Variants in B4GALNT3 observed in about 807,000 individuals in gnomAD.
B4GALNT3 encodes the protein beta-1,4-N-acetyl-galactosaminyltransferase 3.
Under a neutral mutation model 120.2 loss-of-function variants are expected in B4GALNT3, and 86 were observed. The observed-to-expected ratio is 0.72, with a 90% CI of 0.60 to 0.86. The LOEUF (loss-of-function observed/expected upper bound fraction) is 0.86, where lower values mean the gene tolerates loss of function less well. B4GALNT3 is among the 40% of genes least tolerant of loss of function. The probability of loss-of-function intolerance (pLI) is 0.00; values close to 1 mark genes in which losing one functional copy is unlikely to be tolerated. For missense variants in B4GALNT3, 1,167 were observed against 1,298.9 expected, an observed-to-expected ratio of 0.90 and a Z score of 1.56; for synonymous variants, 518 against 510.4, an observed-to-expected ratio of 1.01 and a Z score of -0.20.
chr12:557,589 G>T lies in B4GALNT3; in HGVS notation c.2381-19G>T, dbSNP rs761652775. 5 of 1,600,018 alleles carry T rather than the reference G, an allele frequency of 3.1e-6. No individual in the cohort carries two copies. The highest frequency in any genetic ancestry group is 4.3e-6 in the Non-Finnish European group (5 of 1,174,732). The stretch of plus-strand genomic sequence containing the variant: ...TGCCTTGTCTGTGTTTCCTTCTCCT[G>T]CCTGACCCCCTGGGGTAGTGAAGAA... On this transcript the variant is annotated intron_variant, in intron 15 of 19. Transcript: ENST00000266383.
intron 1 of B4GALNT3, among the ~76,000 whole-genome samples, chr12:487,191 G>A (rs572531862): frequency 6.6e-6 from 1 of 152,110 alleles, no homozygotes; most frequent in South Asian, 2.1e-4. Context: ...AAGAACTGTG[G>A]GACAATTACA....
chr12:521,840 C>T (rs1946712948), intron 1 of B4GALNT3, among the ~76,000 whole-genome samples: 1 of 152,194 alleles, frequency 6.6e-6, no homozygotes, highest in African/African-American at 2.4e-5. Flanking sequence ...CTGGAGCTTC[C>T]ATGGGAGCAG....
chr12:482,738 A>G (rs1472677927), intron 1 of B4GALNT3, among the ~76,000 whole-genome samples: 2 of 152,142 alleles, frequency 1.3e-5, no homozygotes, highest in Non-Finnish European at 2.9e-5. Flanking sequence ...GCACACACCT[A>G]TAGTTCCGGC....
chr12:510,316 A>G (rs888393933), intron 1 of B4GALNT3, among the ~76,000 whole-genome samples: 1 of 152,116 alleles, frequency 6.6e-6, no homozygotes, highest in African/African-American at 2.4e-5. Context: ...CTTTGTAAGC[A>G]GTGGAATAAG....
intron 3 of B4GALNT3, among the ~76,000 whole-genome samples, chr12:540,091 C>T (rs985263731): frequency 6.6e-6 from 1 of 152,150 alleles, no homozygotes; most frequent in Non-Finnish European, 1.5e-5. Context: ...GCGAGTTTGA[C>T]TCTGGTTGAG....
chr12:549,318 A>G (rs1170600005), intron 9 of B4GALNT3, among the ~76,000 whole-genome samples: 2 of 152,198 alleles, frequency 1.3e-5, no homozygotes, highest in Non-Finnish European at 2.9e-5. Context: ...TAGATTCTCT[A>G]TGCCAAAGTT....
chr12:479,905 A>G (rs1946219059), intron 1 of B4GALNT3, among the ~76,000 whole-genome samples: 1 of 111,968 alleles, frequency 8.9e-6, no homozygotes, highest in Non-Finnish European at 1.8e-5. Flanking sequence ...ACCAACCAGG[A>G]TGGGGAGTTC....
chr12:514,323 A>G lies in B4GALNT3; in HGVS notation c.170-20843A>G, dbSNP rs372141245. ...CGCCATTCTCCTGCCTCAGCCTCCC[A>G]AGTAGCTGGGACTACAGGTGCCCGC... On this transcript the variant is annotated intron_variant, in intron 1 of 19. Transcript: ENST00000266383. Among the ~76,000 whole-genome samples the G allele has an allele frequency of 5.1e-3, 763 of 150,360 alleles. 9 individuals are homozygous for G. Among genetic ancestry groups the G allele is most frequent in the African/African-American group, 0.017 (709 of 40,972 alleles).
chr12:514,254 G>C (rs915955458), intron 1 of B4GALNT3, among the ~76,000 whole-genome samples: 1 of 146,406 alleles, frequency 6.8e-6, no homozygotes, highest in Non-Finnish European at 1.5e-5. Flanking sequence ...CTGGAGTGCA[G>C]TGGCGCGATC....
intron 3 of B4GALNT3, among the ~76,000 whole-genome samples, chr12:538,511 A>G (rs556668406): frequency 7.0e-6 from 1 of 142,598 alleles, no homozygotes; most frequent in Non-Finnish European, 1.5e-5. Context: ...GTGAGCCGAG[A>G]TTGTGCCACT....
chr12:474,127 C>T (rs189522643), intron 1 of B4GALNT3, among the ~76,000 whole-genome samples: 41 of 152,312 alleles, frequency 2.7e-4, no homozygotes, highest in Admixed American at 1.3e-3. Flanking sequence ...CTGAAAACAA[C>T]GTCCTCCTTC....
In B4GALNT3 at chr12:554,604, C is replaced by T. The variant is rs188271977; in HGVS notation, c.2060+621C>T. Among the ~76,000 whole-genome samples, 23 of 19,354 alleles carry T rather than the reference C, an allele frequency of 1.2e-3. No homozygotes were observed. In the East Asian group the frequency reaches 0.11, roughly 94 times the overall value. 12.7% of individuals were successfully genotyped at this position (19,354 alleles called of 152,430 possible). On this transcript the variant is annotated intron_variant, in intron 14 of 19. Coordinates refer to ENST00000266383, the MANE Select transcript of B4GALNT3 (RefSeq NM_173593.4). ...AGGAGATCGAGACCATCCTGGCTAA[C>T]ACGGTGAAACCCCGTCTCTACTAAA...
intron 3 of B4GALNT3, among the ~76,000 whole-genome samples, chr12:540,796 T>G (rs1053042399): frequency 6.6e-6 from 1 of 152,072 alleles, no homozygotes; most frequent in Admixed American, 6.5e-5. Context: ...CAGGATGGAG[T>G]GCAGTGGTCG....
At chr12:516,021 C>A (rs1419772381) in intron 1 of B4GALNT3, among the ~76,000 whole-genome samples, 1 of 152,056 alleles carries the variant, frequency 6.6e-6, no homozygotes, top group Non-Finnish European at 1.5e-5. Context: ...TGGCGGGTGC[C>A]TGTAGTCCCA....
intron 5 of B4GALNT3, 97 bp from the exon 6 acceptor site, chr12:545,272 C>T (rs1946978924): frequency 4.0e-6 from 6 of 1,506,362 alleles, no homozygotes; most frequent in South Asian, 1.3e-5. Context: ...GCATCAAGCA[C>T]TGAAGGGAAT....
chr12:503,191 G>T (rs73590387), intron 1 of B4GALNT3, among the ~76,000 whole-genome samples: 4,900 of 152,188 alleles, frequency 0.032, 248 homozygotes, highest in African/African-American at 0.11. Flanking sequence ...AAATCCTGGG[G>T]ATTGTGAGCG....
intron 6 of B4GALNT3, among the ~76,000 whole-genome samples, chr12:545,702 T>TGGGGAGGAGCGAGGTGTGGGGAGGAGC: frequency 1.6e-5 from 1 of 63,046 alleles, no homozygotes; most frequent in African/African-American, 6.0e-5. Flanking sequence ...TGGGGAGGAG[T>TGGGGAGGAGCGAGGTGTGGGGAGGAGC]GAGGAATGGG....
chr12:512,046 C>T (rs1381537581), intron 1 of B4GALNT3, among the ~76,000 whole-genome samples: 18 of 139,032 alleles, frequency 1.3e-4, no homozygotes, highest in African/African-American at 3.7e-4. Context: ...TTCTGCCTTC[C>T]ACCTTCGACC....
chr12:543,666 G>C (rs549388849), intron 3 of B4GALNT3, among the ~76,000 whole-genome samples: 52 of 71,162 alleles, frequency 7.3e-4, no homozygotes, highest in Non-Finnish European at 1.0e-3. Flanking sequence ...GGGCGGGCAT[G>C]GGGTGCTCAT....
Sources: allele counts gnomAD v4.1 joint callset (sites outside exome capture counted in the v4.1 genomes callset), GRCh38; gene constraint gnomAD v4.1.1; transcripts MANE v1.5; gene names NCBI Gene and HGNC (gene_info 2026-07-23, HGNC 2026-07-21).